Variants in ERCC2 observed in about 807,000 individuals in gnomAD.
ERCC2 encodes the protein general transcription and DNA repair factor IIH helicase subunit XPD.
ERCC2 carries 90 observed loss-of-function variants against 99.4 expected under a neutral mutation model. The observed-to-expected ratio is 0.91, with a 90% CI of 0.76 to 1.08. The LOEUF (loss-of-function observed/expected upper bound fraction) is 1.08, where lower values mean the gene tolerates loss of function less well. Among genes scored for constraint, ERCC2 ranks in the 50% least tolerant of loss-of-function variants. The pLI is 0.00. For missense variants in ERCC2, 993 were observed against 1,038.1 expected, an observed-to-expected ratio of 0.96 and a Z score of 0.60; for synonymous variants, 497 against 432.4, an observed-to-expected ratio of 1.15 and a Z score of -1.85.
chr19:45,370,196 G>A lies in ERCC2; in HGVS notation c.42C>T (p.Tyr14=), dbSNP rs141622611. ...NVDGLLVYFP[Y]DYIYPEQFSY... is the part of the protein sequence containing the mutation. The stretch of plus-strand genomic sequence containing the variant: ...AGAACTGCTCGGGGTAGATGTAGTC[G>A]TACGGGAAGTAGACCAGGAGCCCGT... Residue 14 remains tyrosine, a synonymous_variant, in exon 2 of 23, where the codon TAC becomes TAT. Coordinates refer to ENST00000391945, the MANE Select transcript of ERCC2 (RefSeq NM_000400.4). The A allele has an allele frequency of 1.7e-5, 27 of 1,613,314 alleles. No homozygotes were observed. Among genetic ancestry groups the A allele is most frequent in the African/African-American group, 2.7e-5 (2 of 74,912 alleles).
At chr19:45,363,111 A>C (rs1972282401) in intron 11 of ERCC2, among the ~76,000 whole-genome samples, 1 of 152,186 alleles carries the variant, frequency 6.6e-6, no homozygotes, top group African/African-American at 2.4e-5. Flanking sequence ...TGCAGTTCAA[A>C]GAAGACCCAT....
rs753293260 is a variant in ERCC2, at chr19:45,364,845, C to G, written c.587G>C (p.Arg196Pro). 1.2e-6 allele frequency: 2 copies of G among 1,610,848 alleles called. No individual in the cohort carries two copies. The highest frequency in any genetic ancestry group is 1.7e-6 in the Non-Finnish European group (2 of 1,177,178). ...RQGWCPYFLA[R>P]YSILHANVVV... ...TCCCACCAGCCTCCTCACTGAGTAT[C>G]GAGCAAGGAAGTATGGGCACCAGCC... The change falls in exon 7 of 23, where the codon CGA (arginine) becomes CCA (proline). Residue 196 changes from arginine (R) to proline (P), a missense_variant. Arg to Pro is a moderately radical substitution (Grantham distance 103, BLOSUM62 -2). Coordinates refer to ENST00000391945, the MANE Select transcript of ERCC2 (RefSeq NM_000400.4).
chr19:45,359,816 C>T (rs1048746302), intron 12 of ERCC2, among the ~76,000 whole-genome samples: 3 of 152,050 alleles, frequency 2.0e-5, no homozygotes, highest in African/African-American at 7.2e-5. Flanking sequence ...CATTTTCACC[C>T]AGGCTGGAGT....
chr19:45,361,094 GCAC>G, intron 12 of ERCC2, among the ~76,000 whole-genome samples: 1 of 149,490 alleles, frequency 6.7e-6, no homozygotes, highest in Admixed American at 6.7e-5. Flanking sequence ...TCACACCACT[GCAC>G]TCCAGCCTGG....
chr19:45,350,591 G>A lies in ERCC2; in HGVS notation c.*1038C>T. 6.2e-7 allele frequency: 1 copy of A among 1,613,764 alleles called. No individual in the cohort carries two copies. The highest frequency in any genetic ancestry group is 2.2e-5 in the East Asian group (1 of 44,846). ...TGCTTCGGCTCCTGGGGTGGGCGTG[G>A]GGACTGCATGGGCCTGGGGGACTGA... On this transcript the variant is annotated 3_prime_UTR_variant, in exon 23 of 23. Transcript: ENST00000391945.
chr19:45,350,394 A>C lies in ERCC2; in HGVS notation c.*1235T>G. ...ATCAACAAGCGGAAGAGCTGTACAA[A>C]GAAATCCTCCACAAGGAGGACCTAC... On this transcript the variant is annotated 3_prime_UTR_variant, in exon 23 of 23. Transcript: ENST00000391945. The C allele has an allele frequency of 6.2e-7, 1 of 1,613,902 alleles. No individual in the cohort carries two copies. Among genetic ancestry groups the C allele is most frequent in the Non-Finnish European group, 8.5e-7 (1 of 1,179,976 alleles).
rs1403279365 is a variant in ERCC2 at position 45,354,717 on chromosome 19, T to C, written c.1665+13A>G. On this transcript the variant is annotated intron_variant, in intron 17 of 22. Transcript: ENST00000391945. ...GAGGAGAGCAGGTGCAGGGAGGGGG[T>C]GGCCAGGCGTACCTGCTCATACCAG... 6.2e-7 allele frequency: 1 copy of C among 1,612,646 alleles called. No homozygotes were observed. Among genetic ancestry groups the C allele is most frequent in the Admixed American group, 1.7e-5 (1 of 59,894 alleles).
In ERCC2 at chr19:45,364,442, C is replaced by G. The variant is rs1340806384; in HGVS notation, c.700G>C (p.Asp234His). ...ELARKAVVVF[D>H]EAHNIDNVCI... ...CCCTCACCAATGTTGTGGGCCTCGT[C>G]GAAGACCACGACGGCCTTGCGGGCC... Residue 234 changes from aspartate to histidine, a missense_variant, in exon 8 of 23, where the codon GAC (aspartate) becomes CAC (histidine). Transcript: ENST00000391945. The G allele has an allele frequency of 6.2e-7, 1 of 1,613,948 alleles. No homozygotes were observed. The highest frequency in any genetic ancestry group is 8.5e-7 in the Non-Finnish European group (1 of 1,179,988).
chr19:45,355,151 G>C (rs966486784), intron 16 of ERCC2, among the ~76,000 whole-genome samples: 4 of 152,340 alleles, frequency 2.6e-5, no homozygotes, highest in African/African-American at 4.8e-5. Flanking sequence ...GAAGTCAGGA[G>C]TTTGAGATCA....
At chr19:45,364,142 T>C in intron 9 of ERCC2, 23 bp from the exon 10 acceptor site, 1 of 1,611,698 alleles carries the variant, frequency 6.2e-7, no homozygotes, top group Non-Finnish European at 8.5e-7. Context: ...GAGCTGGGGC[T>C]GGGAGGGGGC....
At chr19:45,356,405 C>G (rs1277970863) in intron 15 of ERCC2, among the ~76,000 whole-genome samples, 24 of 152,220 alleles carry the variant, frequency 1.6e-4, no homozygotes, top group Admixed American at 1.6e-3. Context: ...GCTTCCCAAT[C>G]TTTTACTGCC....
chr19:45,352,392 G>T, intron 21 of ERCC2, 40 bp from the exon 22 acceptor site: 1 of 1,613,678 alleles, frequency 6.2e-7, no homozygotes, highest in Non-Finnish European at 8.5e-7. Flanking sequence ...AAGGTCATTC[G>T]GGGAGCCTGG....
chr19:45,352,465 G>A, intron 21 of ERCC2, 41 bp downstream of exon 21: 2 of 1,614,090 alleles, frequency 1.2e-6, no homozygotes, highest in East Asian at 4.5e-5. Context: ...CTGGTTCTTG[G>A]AGCCTGGGAT....
At position 45,362,012 on chromosome 19, in the gene ERCC2, G is replaced by A. The variant is rs112164367; in HGVS notation, c.1119-370C>T. On this transcript the variant is annotated intron_variant, in intron 11 of 22. Transcript: ENST00000391945. Reference sequence around the variant, plus strand: ...AGAGCACTGGTACCATCTCGACTCCGCCTCCTGGGTTCAAATGATTCTCCT... The same window carrying A: ...AGAGCACTGGTACCATCTCGACTCCACCTCCTGGGTTCAAATGATTCTCCT... The A allele has an allele frequency of 9.3e-3, 2,336 of 252,488 alleles. 55 individuals are homozygous for A. The highest frequency in any genetic ancestry group is 0.049 in the African/African-American group (2,165 of 44,376). 15.6% of individuals were successfully genotyped at this position (252,488 alleles called of 1,614,324 possible).
chr19:45,358,681 C>T (rs999994356), intron 12 of ERCC2: 50 of 650,026 alleles, frequency 7.7e-5, no homozygotes, highest in Admixed American at 2.7e-4. Context: ...TCATCTGAGA[C>T]TGCTCAAAAG....
chr19:45,351,170 T>G lies in ERCC2; in HGVS notation c.*459A>C, dbSNP rs751521112. On this transcript the variant is annotated 3_prime_UTR_variant, in exon 23 of 23. Transcript: ENST00000391945. ...GACAGGAGCAAAGATGGGTTTTACT[T>G]GGGGTAGAGGCGAGGGGGTTGGATA... 5 of 1,587,314 alleles carry G rather than the reference T, an allele frequency of 3.1e-6. No individual in the cohort carries two copies. Among genetic ancestry groups the G allele is most frequent in the Non-Finnish European group, 4.3e-6 (5 of 1,166,244 alleles).
intron 17 of ERCC2, 95 bp downstream of exon 17, chr19:45,354,635 G>A (rs1288926497): frequency 2.6e-6 from 4 of 1,528,214 alleles, no homozygotes; most frequent in South Asian, 1.1e-5. Flanking sequence ...CAGGAAACCT[G>A]TCACCATCAG....
chr19:45,351,365 T>G lies in ERCC2; in HGVS notation c.*264A>C, dbSNP rs745485996. On this transcript the variant is annotated 3_prime_UTR_variant, in exon 23 of 23. Coordinates refer to ENST00000391945, the MANE Select transcript of ERCC2 (RefSeq NM_000400.4). ...GACCTGAGCCCCCACTAACGTCCAG[T>G]GAACTGCGCTGGCCGCAGCTTCTTG... is the stretch of plus-strand genomic sequence containing the variant. The G allele has an allele frequency of 6.2e-7, 1 of 1,609,680 alleles. No homozygotes were observed. Among genetic ancestry groups the G allele is most frequent in the Admixed American group, 1.7e-5 (1 of 60,004 alleles).
chr19:45,350,555 A>C lies in ERCC2; in HGVS notation c.*1074T>G. 10 of 1,613,660 alleles carry C rather than the reference A, an allele frequency of 6.2e-6. No individual in the cohort carries two copies. The highest frequency in any genetic ancestry group is 7.6e-6 in the Non-Finnish European group (9 of 1,179,930). On this transcript the variant is annotated 3_prime_UTR_variant, in exon 23 of 23. Coordinates refer to ENST00000391945, the MANE Select transcript of ERCC2 (RefSeq NM_000400.4). ...CACAGCTGGTGACGCAGAACAGGTG[A>C]GGATGGGCTGTGCTTCGGCTCCTGG...
Sources: allele counts gnomAD v4.1 joint callset (sites outside exome capture counted in the v4.1 genomes callset), GRCh38; gene constraint gnomAD v4.1.1; transcripts MANE v1.5; gene names NCBI Gene and HGNC (gene_info 2026-07-23, HGNC 2026-07-21).